SLC44A5: variants seen among roughly 807,000 people sequenced by gnomAD.
SLC44A5 encodes solute carrier family 44 member 5.
In SLC44A5, 57 loss-of-function variants were observed where a neutral mutation model predicts 101.8. That is an observed-to-expected ratio of 0.56 (90% CI 0.45 to 0.70). The LOEUF is 0.70. Among genes scored for constraint, SLC44A5 ranks in the 30% least tolerant of loss-of-function variants. SLC44A5 has a pLI of 0.00. For missense variants in SLC44A5, 737 were observed against 853.1 expected (o/e 0.86, Z 1.70); for synonymous variants, 281 against 290.9 (o/e 0.97, Z 0.35).
intron 1 of SLC44A5, among the ~76,000 whole-genome samples, chr1:75,598,083 C>A (rs1256054060): frequency 6.6e-6 from 1 of 151,388 alleles, no homozygotes; most frequent in Non-Finnish European, 1.5e-5. Flanking sequence ...GGAACTTAAA[C>A]AAATGTACAA....
chr1:75,336,213 T>TG (rs1432842576), intron 4 of SLC44A5, among the ~76,000 whole-genome samples: 2 of 152,124 alleles, frequency 1.3e-5, no homozygotes, highest in Non-Finnish European at 2.9e-5. Context: ...TGGAGTGCAG[T>TG]GGCATGATCT....
At chr1:75,214,506 C>A (rs1646922414) in intron 20 of SLC44A5, 99 bp downstream of exon 20, 1 of 801,108 alleles carries the variant, frequency 1.2e-6, no homozygotes, top group East Asian at 2.8e-5. Flanking sequence ...ATATTCATAT[C>A]CAATAATGCC....
intron 2 of SLC44A5, among the ~76,000 whole-genome samples, chr1:75,444,421 GAGAGAAAGAAAGAC>G (rs1213409759): frequency 5.1e-5 from 7 of 137,210 alleles, no homozygotes; most frequent in African/African-American, 1.7e-4. Context: ...GAAAGAGAGA[GAGAGAAAGAAAGAC>G]AGAGAAAGAA....
At chr1:75,645,398 T>C in the SLC44A5 span, among the ~76,000 whole-genome samples, 1 of 152,176 alleles carries the variant, frequency 6.6e-6, no homozygotes, top group African/African-American at 2.4e-5. Flanking sequence ...CATTTTTTCA[T>C]GTGTCTTTTG....
At chr1:75,637,161 T>G in the SLC44A5 span, among the ~76,000 whole-genome samples, 1 of 151,996 alleles carries the variant, frequency 6.6e-6, no homozygotes, top group Non-Finnish European at 1.5e-5. Context: ...CATTCCTCAG[T>G]ATATATTCAA....
chr1:75,398,476 G>A, intron 2 of SLC44A5: 1 of 816,388 alleles, frequency 1.2e-6, no homozygotes, highest in South Asian at 5.6e-5. Flanking sequence ...GTGTTTCACA[G>A]ATGAAGTTAA....
At chr1:75,582,093 G>T in intron 1 of SLC44A5, 1 of 722,212 alleles carries the variant, frequency 1.4e-6, no homozygotes, top group East Asian at 2.6e-5. Flanking sequence ...TTACAGTGCA[G>T]ACATGGCCAA....
chr1:75,359,079 A>T (rs1659290586), intron 3 of SLC44A5, among the ~76,000 whole-genome samples: 1 of 151,394 alleles, frequency 6.6e-6, no homozygotes, highest in Non-Finnish European at 1.5e-5. Context: ...TGTAAGTGAG[A>T]TCTTGCAGTA....
At chr1:75,456,451 C>A (rs1344593961) in intron 2 of SLC44A5, among the ~76,000 whole-genome samples, 1 of 152,182 alleles carries the variant, frequency 6.6e-6, no homozygotes, top group Non-Finnish European at 1.5e-5. Flanking sequence ...CTTAACATCA[C>A]ACAAAATACC....
At chr1:75,227,572 A>G (rs561853600) in intron 13 of SLC44A5, among the ~76,000 whole-genome samples, 154 bp downstream of exon 13, 15 of 152,128 alleles carry the variant, frequency 9.9e-5, no homozygotes, top group Non-Finnish European at 7.4e-5. Context: ...TGACTTTTCC[A>G]CTTACTGTAG....
intron 6 of SLC44A5, among the ~76,000 whole-genome samples, chr1:75,260,449 G>C (rs1349252941): frequency 6.6e-6 from 1 of 152,104 alleles, no homozygotes; most frequent in Admixed American, 6.5e-5. Flanking sequence ...TACTGGTAAA[G>C]GGGTCAATGC....
chr1:75,638,234 G>C, the SLC44A5 span, among the ~76,000 whole-genome samples: 1 of 152,008 alleles, frequency 6.6e-6, no homozygotes, highest in Non-Finnish European at 1.5e-5. Context: ...CAAGTTTCAT[G>C]TTTCAAGTAT....
At chr1:75,438,588 T>C (rs937858873) in intron 2 of SLC44A5, among the ~76,000 whole-genome samples, 21 of 152,080 alleles carry the variant, frequency 1.4e-4, no homozygotes, top group African/African-American at 5.1e-4. Context: ...CACAACTAAC[T>C]AAGACTAAGC....
chr1:75,715,628 C>G, the SLC44A5 span, among the ~76,000 whole-genome samples: 1 of 152,170 alleles, frequency 6.6e-6, no homozygotes, highest in African/African-American at 2.4e-5. Flanking sequence ...TTCTTTATAT[C>G]ATATACAAAA....
intron 3 of SLC44A5, among the ~76,000 whole-genome samples, chr1:75,342,005 C>G (rs993234944): frequency 2.0e-5 from 3 of 152,102 alleles, no homozygotes; most frequent in African/African-American, 7.2e-5. Context: ...ATTTTAGTCT[C>G]AATTTAATAA....
rs141921489 is a variant in SLC44A5 at position 75,296,489 on chromosome 1, G to T, written c.175+4123C>A. Among the ~76,000 whole-genome samples, 954 of 151,724 alleles carry T rather than the reference G, an allele frequency of 6.3e-3. 15 individuals are homozygous for T. Among genetic ancestry groups the T allele is most frequent in the African/African-American group, 0.022 (922 of 41,316 alleles). The stretch of plus-strand genomic sequence containing the variant: ...TTAAGGTCTAGATCTCATCACCTAA[G>T]TCAGGTCCAAGTGTGGACAAGGCTC... On this transcript the variant is annotated intron_variant, in intron 5 of 23. Coordinates refer to ENST00000370859, the MANE Select transcript of SLC44A5 (RefSeq NM_001130058.2).
intron 2 of SLC44A5, chr1:75,398,461 T>C (rs1041618665): frequency 1.1e-6 from 1 of 912,636 alleles, no homozygotes. Flanking sequence ...GTTACTATAA[T>C]GTAGGTGTTT....
intron 4 of SLC44A5, among the ~76,000 whole-genome samples, chr1:75,329,831 T>A (rs1422533691): frequency 6.6e-6 from 1 of 152,240 alleles, no homozygotes; most frequent in African/African-American, 2.4e-5. Context: ...CCTACTCCTA[T>A]TTTTAAGCCA....
At chr1:75,494,619 C>G (rs969787865) in intron 2 of SLC44A5, among the ~76,000 whole-genome samples, 2 of 152,154 alleles carry the variant, frequency 1.3e-5, no homozygotes, top group Non-Finnish European at 2.9e-5. Flanking sequence ...AGTATCCCAA[C>G]TTTTCTGGTC....
Sources: allele counts gnomAD v4.1 joint callset (sites outside exome capture counted in the v4.1 genomes callset), GRCh38; gene constraint gnomAD v4.1.1; transcripts MANE v1.5; gene names NCBI Gene and HGNC (gene_info 2026-07-23, HGNC 2026-07-21).